The following TG variants were observed in gnomAD, a reference collection of about 807,000 sequenced individuals.
TG encodes thyroid hormones.
TG carries 270 observed loss-of-function variants against 324.7 expected under a neutral mutation model. The ratio of observed to expected loss-of-function variants is 0.83; its 90% CI spans 0.75 to 0.92. TG has a LOEUF of 0.92. TG is among the 40% of genes least tolerant of loss of function. The probability of loss-of-function intolerance (pLI) is 0.00; values close to 1 mark genes in which losing one functional copy is unlikely to be tolerated. For synonymous variants in TG, 1,401 were observed against 1,327.0 expected, an observed-to-expected ratio of 1.06 and a Z score of -1.21; for missense variants, 3,591 against 3,456.4, an observed-to-expected ratio of 1.04 and a Z score of -0.98.
chr8:132,971,119 A>G (rs1318909452), intron 32 of TG, among the ~76,000 whole-genome samples: 4 of 152,192 alleles, frequency 2.6e-5, no homozygotes, highest in Admixed American at 1.3e-4. Context: ...AATTGACCCC[A>G]GAAACATTGG....
At chr8:133,128,337 G>GCACACACACACACACACACA (rs59451880) in intron 45 of TG, among the ~76,000 whole-genome samples, 1 of 133,728 alleles carries the variant, frequency 7.5e-6, no homozygotes, top group Non-Finnish European at 1.6e-5. Context: ...CAAAAGGCGT[G>GCACACACACACACACACACA]CACACACACA....
intron 35 of TG, among the ~76,000 whole-genome samples, chr8:132,984,593 A>G (rs1412044933): frequency 1.3e-5 from 2 of 152,196 alleles, no homozygotes; most frequent in Non-Finnish European, 2.9e-5. Flanking sequence ...GAATTTTATC[A>G]AGTTAGTGTA....
At chr8:132,924,853 A>G (rs894188425) in intron 22 of TG, among the ~76,000 whole-genome samples, 7 of 152,340 alleles carry the variant, frequency 4.6e-5, no homozygotes, top group African/African-American at 1.7e-4. Flanking sequence ...TCTCAGAATA[A>G]GAAGGCTCAG....
chr8:132,933,434 T>TTCTGTG, intron 23 of TG, 127 bp from the exon 24 acceptor site: 1 of 680,232 alleles, frequency 1.5e-6, no homozygotes, highest in Non-Finnish European at 2.6e-6. Flanking sequence ...ATCTGCATAT[T>TTCTGTG]TGTGTGTGTG....
chr8:133,072,293 C>T (rs551285539), intron 41 of TG, among the ~76,000 whole-genome samples: 2 of 152,192 alleles, frequency 1.3e-5, no homozygotes, highest in African/African-American at 4.8e-5. Context: ...ATTGCCTCCT[C>T]CCTTAGCGGT....
rs563580888 is a variant in TG, at chr8:132,921,362, C to G, written c.4528+1837C>G. 8.5e-5 allele frequency among the ~76,000 whole-genome samples: 13 copies of G among 152,288 alleles called. No homozygotes were observed. In the South Asian group the frequency reaches 2.7e-3, roughly 32 times the overall value. On this transcript the variant is annotated intron_variant, in intron 21 of 47. Transcript: ENST00000220616. ...AGTAGAGAGCTGTATTGAATCATTG[C>G]CATTCTCCCAAACATCTTCCCTGAG...
At chr8:133,126,427 C>CG (rs1477439080) in intron 45 of TG, among the ~76,000 whole-genome samples, 5 of 152,180 alleles carry the variant, frequency 3.3e-5, no homozygotes, top group African/African-American at 1.2e-4. Context: ...TCTGGACAGC[C>CG]GTTATCATAC....
intron 23 of TG, 46 bp from the exon 24 acceptor site, chr8:132,933,515 A>C: frequency 6.4e-7 from 1 of 1,564,442 alleles, no homozygotes; most frequent in Non-Finnish European, 8.8e-7. Context: ...TGCCCTCAGC[A>C]TCCCCCGGGA....
Position 133,113,402 on chromosome 8 carries a change from G to T in TG, c.7573-20G>T, listed in dbSNP as rs377588022. Reference sequence around the variant, plus strand: ...TTTCAGAATCCAACTGAGGAATTTCGTATCTTTTTTTTTTTCTAGCAATTT... The same window carrying T: ...TTTCAGAATCCAACTGAGGAATTTCTTATCTTTTTTTTTTTCTAGCAATTT... On this transcript the variant is annotated intron_variant, in intron 43 of 47. Coordinates refer to ENST00000220616, the MANE Select transcript of TG (RefSeq NM_003235.5). 9 of 1,612,144 alleles carry T rather than the reference G, an allele frequency of 5.6e-6. No homozygotes were observed. The highest frequency in any genetic ancestry group is 6.8e-6 in the Non-Finnish European group (8 of 1,178,632).
At chr8:133,074,845 C>CA in intron 41 of TG, 2 of 985,602 alleles carry the variant, frequency 2.0e-6, no homozygotes, top group South Asian at 9.4e-5. Context: ...CACATACTCC[C>CA]AAAATACCTT....
chr8:133,116,532 G>T, intron 44 of TG, 77 bp from the exon 45 acceptor site: 7 of 1,407,086 alleles, frequency 5.0e-6, no homozygotes, highest in Non-Finnish European at 7.0e-6. Context: ...GCCCCTTGCT[G>T]GGAGAAGCCC....
chr8:132,994,770 T>A (rs1832713057), intron 35 of TG: 1 of 1,288,334 alleles, frequency 7.8e-7, no homozygotes, highest in Non-Finnish European at 1.0e-6. Flanking sequence ...GAGTGAGGGC[T>A]TCCGTATAAC....
At chr8:132,908,410 G>A in intron 18 of TG, 70 bp downstream of exon 18, 1 of 1,481,230 alleles carries the variant, frequency 6.8e-7, no homozygotes, top group Non-Finnish European at 9.1e-7. Flanking sequence ...GAAAACCTGA[G>A]GGCTCACATT....
chr8:132,881,359 C>T (rs1442801288), intron 5 of TG, among the ~76,000 whole-genome samples: 1 of 152,018 alleles, frequency 6.6e-6, no homozygotes, highest in Non-Finnish European at 1.5e-5. Flanking sequence ...ACATTTCCTT[C>T]TTAAGGATTT....
Position 132,962,976 on chromosome 8 carries a change from T to C in TG, c.5468-18T>C. On this transcript the variant is annotated intron_variant, in intron 28 of 47. Coordinates refer to ENST00000220616, the MANE Select transcript of TG (RefSeq NM_003235.5). ...CCATTCTCCCCAACATTGCAACAAC[T>C]CTTTTTTTTCCTCCTAGATTCTGAC... 6.2e-7 allele frequency: 1 copy of C among 1,612,464 alleles called. No individual in the cohort carries two copies. Among genetic ancestry groups the C allele is most frequent in the Non-Finnish European group, 8.5e-7 (1 of 1,178,516 alleles).
chr8:132,902,267 T>A (rs1045229095), intron 16 of TG, among the ~76,000 whole-genome samples: 5 of 152,210 alleles, frequency 3.3e-5, no homozygotes, highest in African/African-American at 1.2e-4. Context: ...CACAGTTGCC[T>A]TTCTTTTGAT....
chr8:132,892,916 GGT>G lies in TG; in HGVS notation c.2762-765_2762-764del, dbSNP rs1464647270. 1.1e-3 allele frequency among the ~76,000 whole-genome samples: 167 copies of G among 148,970 alleles called. 1 individual carries two copies. Among genetic ancestry groups the G allele is most frequent in the African/African-American group, 4.0e-3 (163 of 40,338 alleles). ...GCCTGTGTGCATGTGTGTGTGGTGT[GGT>G]GTGTGTGTACTGTGTGTGATGTGTG... On this transcript the variant is annotated intron_variant, in intron 10 of 47. Transcript: ENST00000220616.
chr8:132,899,117 A>AT, intron 14 of TG: 1 of 611,824 alleles, frequency 1.6e-6, no homozygotes, highest in South Asian at 1.9e-5. Context: ...TTGTTTAATC[A>AT]TAAGATCAGG....
Position 133,038,594 on chromosome 8 carries a change from A to G in TG, c.7239+8571A>G, listed in dbSNP as rs1837527645. On this transcript the variant is annotated intron_variant, in intron 41 of 47. Coordinates refer to ENST00000220616, the MANE Select transcript of TG (RefSeq NM_003235.5). The stretch of plus-strand genomic sequence containing the variant: ...CTTGCTGCCACCATACATCAGGGAG[A>G]TGCTTTTCTTCTTTCGATCAAAGGA... 3.1e-6 allele frequency: 5 copies of G among 1,614,144 alleles called. No homozygotes were observed. In the South Asian group the frequency reaches 4.4e-5, roughly 14 times the overall value.
Sources: allele counts gnomAD v4.1 joint callset (sites outside exome capture counted in the v4.1 genomes callset), GRCh38; gene constraint gnomAD v4.1.1; transcripts MANE v1.5; gene names NCBI Gene and HGNC (gene_info 2026-07-23, HGNC 2026-07-21).